GANC: variants seen among roughly 807,000 people sequenced by gnomAD.
The protein encoded by GANC is neutral alpha-glucosidase C.
In GANC, 117 loss-of-function variants were observed where a neutral mutation model predicts 124.2. The observed-to-expected ratio is 0.94, with a 90% CI of 0.81 to 1.10. The LOEUF (loss-of-function observed/expected upper bound fraction) is 1.10, where lower values mean the gene tolerates loss of function less well. Ranked by LOEUF, GANC falls within the 50% of genes least tolerant of loss-of-function variation. The pLI, the probability that GANC is intolerant of heterozygous loss-of-function variation, is 0.00. For missense variants in GANC, 1,140 were observed against 1,095.0 expected, an observed-to-expected ratio of 1.04 and a Z score of -0.58; for synonymous variants, 377 against 376.8, an observed-to-expected ratio of 1.00 and a Z score of -0.01.
At position 42,280,429 on chromosome 15, in the gene GANC, T is replaced by C. The variant is rs111751237; in HGVS notation, c.201+1839T>C. Reference sequence around the variant, plus strand: ...AAAAAATGGGACAGCACTAATTTCCTTCCTGGAGAGCCAACCACTGTTTGC... The same window carrying C: ...AAAAAATGGGACAGCACTAATTTCCCTCCTGGAGAGCCAACCACTGTTTGC... On this transcript the variant is annotated intron_variant, in intron 3 of 23. Coordinates refer to ENST00000318010, the MANE Select transcript of GANC (RefSeq NM_198141.3). 8.1e-3 allele frequency among the ~76,000 whole-genome samples: 1,230 copies of C among 152,302 alleles called. 9 individuals are homozygous for C. The highest frequency in any genetic ancestry group is 0.037 in the Middle Eastern group (11 of 294).
At chr15:42,283,326 TAGAA>T (rs1241307077) in intron 3 of GANC, among the ~76,000 whole-genome samples, 4 of 152,194 alleles carry the variant, frequency 2.6e-5, no homozygotes, top group Non-Finnish European at 5.9e-5. Flanking sequence ...TTCCAGAAAA[TAGAA>T]AGTGATCAGG....
chr15:42,278,644 C>A, intron 3 of GANC, 54 bp downstream of exon 3: 2 of 1,271,852 alleles, frequency 1.6e-6, no homozygotes, highest in Non-Finnish European at 1.1e-6. Context: ...TTTATTGGGC[C>A]TGAATGAAGT....
chr15:42,277,527 T>C (rs2051683758), intron 2 of GANC, among the ~76,000 whole-genome samples: 1 of 149,598 alleles, frequency 6.7e-6, no homozygotes, highest in Non-Finnish European at 1.5e-5. Context: ...TGAAACTCCG[T>C]CTAAAAAAAA....
Position 42,353,617 on chromosome 15 carries a change from G to A in GANC, c.*1478G>A, listed in dbSNP as rs2052480096. ...CTGACTTTCAGTAACTGTTAGCTGTGATTAGTTAGCTGGTGGATTTAATTG... is the reference window on the plus strand; with the variant it reads ...CTGACTTTCAGTAACTGTTAGCTGTAATTAGTTAGCTGGTGGATTTAATTG... On this transcript the variant is annotated 3_prime_UTR_variant, in exon 24 of 24. Coordinates refer to ENST00000318010, the MANE Select transcript of GANC (RefSeq NM_198141.3). 1 of 985,636 alleles carries A rather than the reference G, an allele frequency of 1.0e-6. No homozygotes were observed. Among genetic ancestry groups the A allele is most frequent in the Non-Finnish European group, 1.2e-6 (1 of 829,774 alleles). 61.1% of individuals were successfully genotyped at this position (985,636 alleles called of 1,614,324 possible). A position where few individuals can be genotyped will look rare whatever the true frequency, so the allele number is the denominator to read the frequency against.
At chr15:42,318,344 T>C (rs1031976107) in intron 10 of GANC, among the ~76,000 whole-genome samples, 10 of 152,218 alleles carry the variant, frequency 6.6e-5, no homozygotes, top group Non-Finnish European at 1.5e-4. Flanking sequence ...TATGAAACCA[T>C]CTTTTTTCCT....
At chr15:42,343,250 C>T (rs2052340876) in intron 19 of GANC, 96 bp downstream of exon 19, 1 of 1,057,158 alleles carries the variant, frequency 9.5e-7, no homozygotes, top group African/African-American at 1.6e-5. Context: ...TGTTTGTGAA[C>T]ACACCCCAGA....
intron 6 of GANC, 51 bp downstream of exon 6, chr15:42,297,707 G>C (rs776462311): frequency 5.4e-6 from 7 of 1,308,392 alleles, no homozygotes; most frequent in Non-Finnish European, 5.5e-6. Flanking sequence ...TCATCATCAT[G>C]ATAGGGCATA....
chr15:42,335,880 G>T (rs1201800909), intron 15 of GANC, among the ~76,000 whole-genome samples: 1 of 152,060 alleles, frequency 6.6e-6, no homozygotes, highest in Non-Finnish European at 1.5e-5. Flanking sequence ...GCCTCAAAAA[G>T]AAGAAAATAC....
chr15:42,280,339 A>G (rs1476043920), intron 3 of GANC, among the ~76,000 whole-genome samples: 1 of 152,016 alleles, frequency 6.6e-6, no homozygotes, highest in East Asian at 1.9e-4. Context: ...CTCCCTTTAT[A>G]TTCTTATTTA....
At chr15:42,298,725 G>A (rs1015524106) in intron 6 of GANC, among the ~76,000 whole-genome samples, 7 of 152,008 alleles carry the variant, frequency 4.6e-5, no homozygotes, top group Non-Finnish European at 1.0e-4. Context: ...TTGTGTTCTC[G>A]CTTATTTCCT....
chr15:42,278,597 T>A lies in GANC; in HGVS notation c.201+7T>A, dbSNP rs755763354. 2.5e-6 allele frequency: 4 copies of A among 1,577,338 alleles called. No homozygotes were observed. The South Asian group carries it at 4.5e-5, about 18-fold the overall frequency. On this transcript the variant is annotated splice_region_variant and intron_variant, in intron 3 of 23. Coordinates refer to ENST00000318010, the MANE Select transcript of GANC (RefSeq NM_198141.3). ...CATCAATGAAGCAAGTAAGGTGAGA[T>A]GGAAGTATTTTCTACAGAGAATAAT...
At chr15:42,297,314 T>G (rs1021793091) in intron 5 of GANC, among the ~76,000 whole-genome samples, 1 of 152,210 alleles carries the variant, frequency 6.6e-6, no homozygotes, top group African/African-American at 2.4e-5. Context: ...TCCAATTTTA[T>G]AAACTCATTT....
chr15:42,335,411 A>G (rs1387869584), intron 15 of GANC, among the ~76,000 whole-genome samples: 1 of 152,240 alleles, frequency 6.6e-6, no homozygotes, highest in Non-Finnish European at 1.5e-5. Flanking sequence ...AATAAAATTC[A>G]GCATCCCTTC....
In GANC at chr15:42,273,431, T is replaced by C. The variant is rs772766614; in HGVS notation, c.-1051T>C. ...GCCGTGGAGTGCCTACCGAAAGCATTTCACCCTCTTCCGGTTCGTCCCGCC... is the reference window on the plus strand; with the variant it reads ...GCCGTGGAGTGCCTACCGAAAGCATCTCACCCTCTTCCGGTTCGTCCCGCC... On this transcript the variant is annotated 5_prime_UTR_variant, in exon 1 of 24. Coordinates refer to ENST00000318010, the MANE Select transcript of GANC (RefSeq NM_198141.3). 11 of 1,612,292 alleles carry C rather than the reference T, an allele frequency of 6.8e-6. No individual in the cohort carries two copies. Among genetic ancestry groups the C allele is most frequent in the Non-Finnish European group, 6.8e-6 (8 of 1,179,432 alleles).
At chr15:42,289,717 G>A (rs546857336) in intron 4 of GANC, among the ~76,000 whole-genome samples, 27 of 152,260 alleles carry the variant, frequency 1.8e-4, no homozygotes, top group African/African-American at 6.3e-4. Flanking sequence ...TATAGAGAAT[G>A]GGATACTACT....
At chr15:42,312,689 T>C (rs5028174) in intron 10 of GANC, among the ~76,000 whole-genome samples, 138,596 of 152,232 alleles carry the variant, frequency 0.91, 64,415 homozygotes, top group Non-Finnish European at 1. Flanking sequence ...CCTGTAATCC[T>C]GCACTTTGGG....
At chr15:42,338,231 G>A (rs557909474) in intron 15 of GANC, among the ~76,000 whole-genome samples, 158 bp from the exon 16 acceptor site, 1 of 152,186 alleles carries the variant, frequency 6.6e-6, no homozygotes, top group African/African-American at 2.4e-5. Flanking sequence ...TTAGAAAATT[G>A]ATACTTTTCA....
intron 19 of GANC, among the ~76,000 whole-genome samples, chr15:42,344,453 C>G (rs959250626): frequency 2.4e-4 from 36 of 152,166 alleles, no homozygotes; most frequent in African/African-American, 8.4e-4. Flanking sequence ...ATTGAAGGCC[C>G]ACCTGGATAA....
chr15:42,292,377 G>GTT (rs61513725), intron 4 of GANC, among the ~76,000 whole-genome samples: 255 of 147,914 alleles, frequency 1.7e-3, no homozygotes, highest in Middle Eastern at 7.1e-3. Flanking sequence ...TTTACTGTGT[G>GTT]TTTTTTTTTT....
Sources: allele counts gnomAD v4.1 joint callset (sites outside exome capture counted in the v4.1 genomes callset), GRCh38; gene constraint gnomAD v4.1.1; transcripts MANE v1.5; gene names NCBI Gene and HGNC (gene_info 2026-07-23, HGNC 2026-07-21).